The following BCR variants were observed in gnomAD, a reference collection of about 807,000 sequenced individuals.
The protein encoded by BCR is breakpoint cluster region protein.
A neutral mutation model predicts 138.6 loss-of-function variants in BCR; 58 were observed. The observed-to-expected ratio is 0.42, with a 90% CI of 0.34 to 0.52. The LOEUF is 0.52. BCR is among the 20% of genes least tolerant of loss of function. The pLI is 0.06. For missense variants in BCR, 1,599 were observed against 1,727.2 expected, an observed-to-expected ratio of 0.93 and a Z score of 1.32; for synonymous variants, 786 against 730.1, an observed-to-expected ratio of 1.08 and a Z score of -1.23.
In BCR at chr22:23,260,836, G is replaced by A. The variant is rs549088500; in HGVS notation, c.1462-114G>A. 4 of 965,366 alleles carry A rather than the reference G, an allele frequency of 4.1e-6. No individual in the cohort carries two copies. The African/African-American group carries it at 4.8e-5, about 12-fold the overall frequency. 59.8% of individuals were successfully genotyped at this position (965,366 alleles called of 1,614,324 possible). On this transcript the variant is annotated intron_variant, in intron 2 of 22. Transcript: ENST00000305877. Reference sequence around the variant, plus strand: ...CTTTAATTCCATGTGGAGCCTTTGTGGGGGCAGGGGTTTGTCCAGAGGTCA... The same window carrying A: ...CTTTAATTCCATGTGGAGCCTTTGTAGGGGCAGGGGTTTGTCCAGAGGTCA...
At chr22:23,254,332 C>T (rs765313947) in intron 2 of BCR, among the ~76,000 whole-genome samples, 4 of 152,136 alleles carry the variant, frequency 2.6e-5, no homozygotes, top group Non-Finnish European at 5.9e-5. Context: ...TGCTTCATAG[C>T]CTTCTTGCTC....
At chr22:23,225,684 T>C (rs1487140645) in intron 1 of BCR, among the ~76,000 whole-genome samples, 1 of 152,158 alleles carries the variant, frequency 6.6e-6, no homozygotes, top group Non-Finnish European at 1.5e-5. Context: ...GGTGATGGGG[T>C]AGAATCACAG....
chr22:23,182,184 C>G lies in BCR; in HGVS notation c.1224C>G (p.Arg408=). The G allele has an allele frequency of 6.2e-7, 1 of 1,600,680 alleles. No homozygotes were observed. The highest frequency in any genetic ancestry group is 8.5e-7 in the Non-Finnish European group (1 of 1,178,028). The change falls in exon 1 of 23, where the codon CGC becomes CGG. Residue 408 remains arginine (R), a synonymous_variant. Transcript: ENST00000305877. ...CCGAGGCCACCATCGTGGGCGTCCG[C>G]AAGACCGGGCAGATCTGGCCCAACG... ...VVSEATIVGV[R]KTGQIWPNDG...
At chr22:23,282,290 G>T (rs1445267919) in intron 8 of BCR, among the ~76,000 whole-genome samples, 2 of 152,232 alleles carry the variant, frequency 1.3e-5, no homozygotes, top group African/African-American at 2.4e-5. Flanking sequence ...CTTGCTTCCC[G>T]TGGGTGCCGT....
intron 1 of BCR, among the ~76,000 whole-genome samples, chr22:23,235,945 T>A (rs894913462): frequency 6.6e-6 from 1 of 152,178 alleles, no homozygotes; most frequent in African/African-American, 2.4e-5. Flanking sequence ...TACCATCACA[T>A]TGGGGGTTAG....
At chr22:23,214,635 C>G (rs2072729242) in intron 1 of BCR, among the ~76,000 whole-genome samples, 1 of 152,204 alleles carries the variant, frequency 6.6e-6, no homozygotes, top group Non-Finnish European at 1.5e-5. Context: ...GGGATCGGCT[C>G]CCTGTGTTGT....
intron 2 of BCR, among the ~76,000 whole-genome samples, chr22:23,260,258 C>T (rs1334389760): frequency 1.3e-5 from 2 of 152,144 alleles, no homozygotes; most frequent in Admixed American, 6.5e-5. Context: ...TCAGCAGGGA[C>T]GCTAATGAGA....
At chr22:23,278,588 A>G (rs1380416290) in intron 8 of BCR, among the ~76,000 whole-genome samples, 3 of 152,304 alleles carry the variant, frequency 2.0e-5, no homozygotes, top group East Asian at 3.9e-4. Flanking sequence ...TTAGCCAGGC[A>G]TGGTGGCAGG....
rs370530698 is a variant in BCR, at chr22:23,180,927, G to A, written c.-34G>A. The A allele has an allele frequency of 6.3e-6, 7 of 1,116,168 alleles. No homozygotes were observed. Among genetic ancestry groups the A allele is most frequent in the East Asian group, 9.0e-5 (2 of 22,162 alleles). The allele number at this position is 1,116,168 out of a possible 1,614,324, so 69.1% of individuals were successfully genotyped here. A position where few individuals can be genotyped will look rare whatever the true frequency, so the allele number is the denominator to read the frequency against. On this transcript the variant is annotated 5_prime_UTR_variant, in exon 1 of 23. Transcript: ENST00000305877. Reference sequence around the variant, plus strand: ...GCCGCCGCTGAGACGGGCCCCGCGCGCAGCCCGGCGGCGCAGGTAAGGCCG... The same window carrying A: ...GCCGCCGCTGAGACGGGCCCCGCGCACAGCCCGGCGGCGCAGGTAAGGCCG...
chr22:23,271,463 AG>A, intron 5 of BCR, 68 bp from the exon 6 acceptor site: 1 of 1,502,258 alleles, frequency 6.7e-7, no homozygotes, highest in Non-Finnish European at 9.2e-7. Flanking sequence ...TTGTTGCCAA[AG>A]GGGGAACTGT....
intron 1 of BCR, among the ~76,000 whole-genome samples, chr22:23,207,633 A>T (rs950941861): frequency 1.3e-5 from 2 of 152,108 alleles, no homozygotes; most frequent in Non-Finnish European, 2.9e-5. Flanking sequence ...TGAAAAACAA[A>T]ACAAACAAAA....
intron 1 of BCR, among the ~76,000 whole-genome samples, chr22:23,241,339 G>A (rs367866817): frequency 5.9e-5 from 9 of 152,288 alleles, no homozygotes; most frequent in Middle Eastern, 3.4e-3. Context: ...ATTCCCCCCC[G>A]ACCAACCCTC....
chr22:23,238,609 A>T (rs2146252104), intron 1 of BCR, among the ~76,000 whole-genome samples: 1 of 152,062 alleles, frequency 6.6e-6, no homozygotes, highest in East Asian at 1.9e-4. Flanking sequence ...AGGCCTGGGG[A>T]TTCGAGGCAG....
intron 1 of BCR, among the ~76,000 whole-genome samples, chr22:23,226,910 T>C (rs2146238928): frequency 6.6e-6 from 1 of 152,226 alleles, no homozygotes; most frequent in East Asian, 1.9e-4. Flanking sequence ...TCCTATAGGT[T>C]TGGGTTTGGG....
At chr22:23,220,298 C>T (rs957276619) in intron 1 of BCR, among the ~76,000 whole-genome samples, 2 of 152,248 alleles carry the variant, frequency 1.3e-5, no homozygotes, top group African/African-American at 4.8e-5. Context: ...GCTGTAGTGA[C>T]AGCTGCATGT....
chr22:23,186,159 C>G (rs1221699996), intron 1 of BCR, among the ~76,000 whole-genome samples: 4 of 152,212 alleles, frequency 2.6e-5, no homozygotes, highest in Non-Finnish European at 4.4e-5. Flanking sequence ...AGGACTTGAT[C>G]AGTCACCAGA....
In BCR at chr22:23,288,181, CCT is replaced by C. The variant is rs1198133249; in HGVS notation, c.2602+12_2602+13del. On this transcript the variant is annotated intron_variant, in intron 12 of 22. Transcript: ENST00000305877. ...GGAGCAGCAGAAGAAGTGTGAGTAT[CCT>C]CTGTCCTGAGAGGGGCTGGGCTTCA... is the stretch of plus-strand genomic sequence containing the variant. The C allele has an allele frequency of 7.4e-6, 12 of 1,613,424 alleles. No individual in the cohort carries two copies. The highest frequency in any genetic ancestry group is 1.7e-4 in the Middle Eastern group (1 of 6,042).
At chr22:23,290,098 G>A in intron 13 of BCR, 1 of 584,448 alleles carries the variant, frequency 1.7e-6, no homozygotes, top group Non-Finnish European at 3.1e-6. Context: ...GCTGTCCTTG[G>A]AACCTTATTA....
chr22:23,264,209 G>A lies in BCR; in HGVS notation c.1752+2669G>A. ...CCTCCTTCTATAGCGTTGTACGGCTGTGGGACCGGCACCAAAGGGCCTGCC... is the reference window on the plus strand; with the variant it reads ...CCTCCTTCTATAGCGTTGTACGGCTATGGGACCGGCACCAAAGGGCCTGCC... On this transcript the variant is annotated intron_variant, in intron 4 of 22. Transcript: ENST00000305877. 3 of 1,182,260 alleles carry A rather than the reference G, an allele frequency of 2.5e-6. No individual in the cohort carries two copies. The South Asian group carries it at 3.6e-5, about 14-fold the overall frequency. The allele number at this position is 1,182,260 out of a possible 1,614,324, so 73.2% of individuals were successfully genotyped here. A position where few individuals can be genotyped will look rare whatever the true frequency, so the allele number is the denominator to read the frequency against.
Sources: allele counts gnomAD v4.1 joint callset (sites outside exome capture counted in the v4.1 genomes callset), GRCh38; gene constraint gnomAD v4.1.1; transcripts MANE v1.5; gene names NCBI Gene and HGNC (gene_info 2026-07-23, HGNC 2026-07-21).